Variants in CACNA1D observed in about 807,000 individuals in gnomAD.
The protein encoded by CACNA1D is voltage-dependent L-type calcium channel subunit alpha-1D.
Under a neutral mutation model 257.1 loss-of-function variants are expected in CACNA1D, and 55 were observed. That is an observed-to-expected ratio of 0.21 (90% CI 0.17 to 0.27). The LOEUF is 0.27. CACNA1D is among the 10% of genes least tolerant of loss of function. CACNA1D has a pLI of 1.00. For missense variants in CACNA1D, 1,876 were observed against 2,784.0 expected, an observed-to-expected ratio of 0.67 and a Z score of 7.34; for synonymous variants, 980 against 1,014.9, an observed-to-expected ratio of 0.97 and a Z score of 0.65.
intron 3 of CACNA1D, among the ~76,000 whole-genome samples, chr3:53,592,117 G>A (rs1485263414): frequency 6.6e-6 from 1 of 152,214 alleles, no homozygotes; most frequent in Non-Finnish European, 1.5e-5. Flanking sequence ...AATAGGCAGG[G>A]CTCCTGTTCT....
chr3:53,638,020 C>T (rs1186006647), intron 3 of CACNA1D, among the ~76,000 whole-genome samples: 5 of 152,086 alleles, frequency 3.3e-5, no homozygotes, highest in East Asian at 3.8e-4. Context: ...AGGTATGATC[C>T]GTGTTTCTAT....
At chr3:53,546,437 T>C (rs2107553257) in intron 3 of CACNA1D, among the ~76,000 whole-genome samples, 1 of 152,300 alleles carries the variant, frequency 6.6e-6, no homozygotes, top group African/African-American at 2.4e-5. Context: ...CTATAGTCAT[T>C]AGTGATCAGG....
At position 53,813,527 on chromosome 3, in the gene CACNA1D, CTG is replaced by C. The variant is rs2095609865; in HGVS notation, c.*2125_*2126del. On this transcript the variant is annotated 3_prime_UTR_variant, in exon 48 of 48. Coordinates refer to ENST00000350061, the MANE Select transcript of CACNA1D (RefSeq NM_001128840.3). ...ACCACTGTCAACATTATCCTGGACT[CTG>C]TGTCTCTCTCTGTTGGGTCTTGTGG... The C allele has an allele frequency of 6.6e-6, 1 of 152,222 alleles. No homozygotes were observed. Among genetic ancestry groups the C allele is most frequent in the African/African-American group, 2.4e-5 (1 of 41,454 alleles). The allele number at this position is 152,222 out of a possible 1,614,324, so 9.4% of individuals were successfully genotyped here. A position where few individuals can be genotyped will look rare whatever the true frequency, so the allele number is the denominator to read the frequency against.
intron 8 of CACNA1D, among the ~76,000 whole-genome samples, chr3:53,682,407 T>C (rs2108474155): frequency 8.2e-6 from 1 of 122,146 alleles, no homozygotes; most frequent in Admixed American, 8.9e-5. Context: ...CAGAAGTCTT[T>C]TTAGCTGGGC....
chr3:53,667,841 A>G (rs982001610), intron 7 of CACNA1D, among the ~76,000 whole-genome samples: 14 of 149,902 alleles, frequency 9.3e-5, no homozygotes, highest in Admixed American at 6.6e-4. Flanking sequence ...GTGTGTATGC[A>G]TGTGTGTGTG....
At chr3:53,656,993 C>A (rs368713817) in intron 4 of CACNA1D, among the ~76,000 whole-genome samples, 4 of 152,210 alleles carry the variant, frequency 2.6e-5, no homozygotes, top group South Asian at 4.1e-4. Context: ...GGAAAAAATG[C>A]GCCCATTTCT....
chr3:53,575,326 G>A (rs2093017833), intron 3 of CACNA1D, among the ~76,000 whole-genome samples: 1 of 152,164 alleles, frequency 6.6e-6, no homozygotes, highest in African/African-American at 2.4e-5. Flanking sequence ...TGAAGGTGTG[G>A]AGATGCTGCC....
intron 4 of CACNA1D, among the ~76,000 whole-genome samples, chr3:53,659,276 T>C (rs925246349): frequency 1.3e-5 from 2 of 152,200 alleles, no homozygotes; most frequent in Non-Finnish European, 2.9e-5. Context: ...AGGTACAATA[T>C]TATTCACATT....
intron 3 of CACNA1D, among the ~76,000 whole-genome samples, chr3:53,565,002 T>C (rs1199494108): frequency 6.6e-6 from 1 of 152,218 alleles, no homozygotes; most frequent in African/African-American, 2.4e-5. Flanking sequence ...GTGTGTGGTA[T>C]GAGGTAGGGG....
intron 8 of CACNA1D, chr3:53,674,030 T>C: frequency 1.6e-6 from 1 of 628,174 alleles, no homozygotes; most frequent in Non-Finnish European, 2.9e-6. Flanking sequence ...GTTAATTTAA[T>C]GAAAACGTTC....
chr3:53,805,298 TTTCC>T, intron 45 of CACNA1D, 152 bp downstream of exon 45: 1 of 692,854 alleles, frequency 1.4e-6, no homozygotes, highest in East Asian at 2.6e-5. Context: ...GTGTGTCTGC[TTTCC>T]TTCCTTTCTC....
intron 3 of CACNA1D, among the ~76,000 whole-genome samples, chr3:53,624,102 A>G (rs2093729798): frequency 6.6e-6 from 1 of 152,126 alleles, no homozygotes; most frequent in South Asian, 2.1e-4. Flanking sequence ...GTTAACTTTG[A>G]GAGCTTTGGA....
intron 3 of CACNA1D, among the ~76,000 whole-genome samples, chr3:53,527,058 G>A (rs1013052291): frequency 6.6e-6 from 1 of 152,176 alleles, no homozygotes. Flanking sequence ...AGAATGTATA[G>A]TACTTCATAA....
intron 3 of CACNA1D, among the ~76,000 whole-genome samples, chr3:53,607,937 T>G (rs1231218286): frequency 6.6e-6 from 1 of 152,218 alleles, no homozygotes; most frequent in South Asian, 2.1e-4. Flanking sequence ...AGCTTTATGG[T>G]GTATCTGGAA....
intron 8 of CACNA1D, among the ~76,000 whole-genome samples, chr3:53,677,891 C>T (rs1191210707): frequency 6.6e-6 from 1 of 152,184 alleles, no homozygotes; most frequent in Non-Finnish European, 1.5e-5. Flanking sequence ...GCCTTACTTT[C>T]CTCATCTGTG....
chr3:53,665,706 C>G lies in CACNA1D; in HGVS notation c.813C>G (p.Leu271=). The G allele has an allele frequency of 6.2e-7, 1 of 1,609,230 alleles. No individual in the cohort carries two copies. The change falls in exon 6 of 48, where the codon CTC becomes CTG. Residue 271 remains leucine (L), a synonymous_variant. Transcript: ENST00000350061. ...LNSIIKAMVP[L]LHIALLVLFV... ...CCATTATAAAAGCCATGGTTCCCCT[C>G]CTTCACATAGCCCTTTTGGTATTAT...
chr3:53,739,940 A>T (rs1235875992), intron 20 of CACNA1D, among the ~76,000 whole-genome samples: 3 of 152,234 alleles, frequency 2.0e-5, no homozygotes. Flanking sequence ...CCTCTAATTT[A>T]TTTGGTGCCA....
Position 53,673,936 on chromosome 3 carries a change from G to A in CACNA1D, c.1220+810G>A. 1.3e-6 allele frequency: 1 copy of A among 749,026 alleles called. No individual in the cohort carries two copies. The highest frequency in any genetic ancestry group is 2.5e-6 in the Non-Finnish European group (1 of 403,134). 46.4% of individuals were successfully genotyped at this position (749,026 alleles called of 1,614,324 possible). A position where few individuals can be genotyped will look rare whatever the true frequency, so the allele number is the denominator to read the frequency against. On this transcript the variant is annotated intron_variant, in intron 8 of 47. Transcript: ENST00000350061. This position sits in a 1 kb window ranked among gnomAD's most constrained non-coding sequence, Gnocchi z 4.1. ...GTGTTTGGACTCTGATGTCCTCTCA[G>A]TGTGTTGCTTTTGGATTGAACTGTG...
intron 19 of CACNA1D, among the ~76,000 whole-genome samples, chr3:53,734,749 T>G (rs1576499924): frequency 6.6e-6 from 1 of 152,276 alleles, no homozygotes; most frequent in East Asian, 1.9e-4. Flanking sequence ...ACCTTCACTT[T>G]CTGAGGACTG....
Sources: gnomAD v4.1 joint callset for allele counts (sites outside exome capture counted in the v4.1 genomes callset) on GRCh38, gnomAD v4.1.1 for gene constraint, Gnocchi (gnomAD v3.1) non-coding constraint, MANE v1.5 for transcripts, NCBI Gene and HGNC (gene_info 2026-07-23, HGNC 2026-07-21) for gene names.